The following USH2A variants were observed in gnomAD, a reference collection of about 807,000 sequenced individuals.
USH2A encodes the protein Usher syndrome 2A (autosomal recessive, mild).
In USH2A, 443 loss-of-function variants were observed where a neutral mutation model predicts 538.9. That is an observed-to-expected ratio of 0.82 (90% CI 0.76 to 0.89). USH2A has a LOEUF of 0.89. Ranked by LOEUF, USH2A falls within the 40% of genes least tolerant of loss-of-function variation. The pLI, the probability that USH2A is intolerant of heterozygous loss-of-function variation, is 0.00. For synonymous variants in USH2A, 2,413 were observed against 2,273.5 expected (o/e 1.06, Z -1.75); for missense variants, 6,633 against 6,324.8 (o/e 1.05, Z -1.65).
intron 9 of USH2A, among the ~76,000 whole-genome samples, chr1:216,303,222 G>C (rs2037246884): frequency 1.3e-5 from 2 of 151,904 alleles, no homozygotes; most frequent in Non-Finnish European, 1.5e-5. Flanking sequence ...ACAAGATAAA[G>C]CAATTCTATT....
intron 60 of USH2A, among the ~76,000 whole-genome samples, chr1:215,738,314 C>T (rs1170010575): frequency 6.6e-6 from 1 of 152,118 alleles, no homozygotes; most frequent in East Asian, 1.9e-4. Flanking sequence ...GGTTGCAAAA[C>T]ACTAACTTAA....
Position 215,934,883 on chromosome 1 carries a change from ATACTG to A in USH2A, c.7121-93_7121-89del. On this transcript the variant is annotated intron_variant, in intron 37 of 71. Coordinates refer to ENST00000307340, the MANE Select transcript of USH2A (RefSeq NM_206933.4). ...TGAGTATTTTCTTGAGTTTCTAAAT[ATACTG>A]TACCAAATAGGTCTGTAACTTTACC... 3 of 1,268,726 alleles carry A rather than the reference ATACTG, an allele frequency of 2.4e-6. 1 individual carries two copies. Among genetic ancestry groups the A allele is most frequent in the Non-Finnish European group, 3.3e-6 (3 of 914,018 alleles). 78.6% of individuals were successfully genotyped at this position (1,268,726 alleles called of 1,614,324 possible).
chr1:215,907,848 G>A (rs967661179), intron 38 of USH2A, among the ~76,000 whole-genome samples: 1 of 152,038 alleles, frequency 6.6e-6, no homozygotes, highest in African/African-American at 2.4e-5. Context: ...TGAATCAATG[G>A]TTGGAAAGAT....
At chr1:216,165,331 C>A (rs2034146048) in intron 21 of USH2A, among the ~76,000 whole-genome samples, 1 of 152,040 alleles carries the variant, frequency 6.6e-6, no homozygotes, top group Non-Finnish European at 1.5e-5. Context: ...GATGTGCAAC[C>A]ACCTAGTTTT....
In USH2A at chr1:216,294,558, G is replaced by A. The variant is rs147458329; in HGVS notation, c.1645-2188C>T. On this transcript the variant is annotated intron_variant, in intron 9 of 71. Transcript: ENST00000307340. ...TTTTTTCCATTTTATTTTGGGGATC[G>A]GGAGTGGATATATATCTAAGTATTA... is the stretch of plus-strand genomic sequence containing the variant. Among the ~76,000 whole-genome samples, 67 of 150,966 alleles carry A rather than the reference G, an allele frequency of 4.4e-4. 1 individual carries two copies. In the East Asian group the frequency reaches 8.7e-3, roughly 20 times the overall value.
At chr1:216,008,895 T>C (rs1668474218) in intron 32 of USH2A, among the ~76,000 whole-genome samples, 1 of 152,142 alleles carries the variant, frequency 6.6e-6, no homozygotes, top group African/African-American at 2.4e-5. Flanking sequence ...AGCCTTCCCT[T>C]GGTGTTTAAT....
intron 11 of USH2A, among the ~76,000 whole-genome samples, chr1:216,266,938 TTA>T (rs936635410): frequency 4.0e-5 from 6 of 151,276 alleles, no homozygotes; most frequent in Non-Finnish European, 7.4e-5. Flanking sequence ...AAATAATATT[TTA>T]TATATATATA....
intron 9 of USH2A, among the ~76,000 whole-genome samples, chr1:216,295,256 G>C (rs2037082002): frequency 6.6e-6 from 1 of 151,658 alleles, no homozygotes; most frequent in Non-Finnish European, 1.5e-5. Context: ...TGATTTAATT[G>C]TTTGACCTAT....
intron 34 of USH2A, among the ~76,000 whole-genome samples, chr1:215,993,412 G>A (rs1668051985): frequency 6.6e-6 from 1 of 152,032 alleles, no homozygotes; most frequent in African/African-American, 2.4e-5. Context: ...AATTAAGGAA[G>A]CATCTTAAGT....
chr1:216,207,392 C>G lies in USH2A; in HGVS notation c.3197G>C (p.Ser1066Thr). ...CCAGGAGAGATTGATAGCAGAAGAACTTTGAACTTGTCCTCTGGGCGGAGG... is the reference window on the plus strand; with the variant it reads ...CCAGGAGAGATTGATAGCAGAAGAAGTTTGAACTTGTCCTCTGGGCGGAGG... ...QQPPPRGQVQ[S>T]SSAINLSWSP... Residue 1066 changes from serine to threonine, a missense_variant, in exon 16 of 72, where the codon AGT becomes ACT. By Grantham distance (58) the Ser-to-Thr change is moderately conservative (BLOSUM62 1). Coordinates refer to ENST00000307340, the MANE Select transcript of USH2A (RefSeq NM_206933.4). The G allele has an allele frequency of 6.2e-7, 1 of 1,613,980 alleles. No homozygotes were observed. The highest frequency in any genetic ancestry group is 8.5e-7 in the Non-Finnish European group (1 of 1,179,940).
At chr1:216,258,896 A>C (rs1174784948) in intron 11 of USH2A, among the ~76,000 whole-genome samples, 1 of 152,170 alleles carries the variant, frequency 6.6e-6, no homozygotes, top group Non-Finnish European at 1.5e-5. Context: ...CAACATTCAG[A>C]GAGAATTTTC....
intron 44 of USH2A, among the ~76,000 whole-genome samples, chr1:215,863,811 A>G (rs2102437501): frequency 6.6e-6 from 1 of 152,218 alleles, no homozygotes; most frequent in Non-Finnish European, 1.5e-5. Context: ...GTCTCTACAA[A>G]AACATTTTAA....
At chr1:216,245,470 TGAGAGA>T (rs10535828) in intron 13 of USH2A, among the ~76,000 whole-genome samples, 6,428 of 114,158 alleles carry the variant, frequency 0.056, 199 homozygotes, top group Admixed American at 0.082. Flanking sequence ...AGTCCCCTTC[TGAGAGA>T]GAGAGAGAGA....
intron 22 of USH2A, among the ~76,000 whole-genome samples, chr1:216,090,275 G>A (rs2032265298): frequency 6.6e-6 from 1 of 151,608 alleles, no homozygotes; most frequent in Non-Finnish European, 1.5e-5. Flanking sequence ...AACATACAAT[G>A]TTAATCATAC....
At chr1:215,694,746 A>G (rs1311407416) in intron 61 of USH2A, among the ~76,000 whole-genome samples, 2 of 152,204 alleles carry the variant, frequency 1.3e-5, no homozygotes, top group Non-Finnish European at 2.9e-5. Context: ...CCACTTCCTA[A>G]TAACATCACA....
chr1:216,291,080 T>C (rs988168564), intron 10 of USH2A, among the ~76,000 whole-genome samples: 1 of 152,180 alleles, frequency 6.6e-6, no homozygotes, highest in Admixed American at 6.5e-5. Flanking sequence ...ACCAGGTGTA[T>C]CTTTTAATAA....
intron 61 of USH2A, among the ~76,000 whole-genome samples, chr1:215,723,214 C>T (rs576704579): frequency 2.0e-5 from 3 of 152,230 alleles, no homozygotes; most frequent in African/African-American, 7.2e-5. Flanking sequence ...GGAGGTGAAA[C>T]TTTTCATGAG....
At chr1:215,803,466 A>ACCC (rs1236877358) in intron 49 of USH2A, among the ~76,000 whole-genome samples, 1 of 152,194 alleles carries the variant, frequency 6.6e-6, no homozygotes, top group Non-Finnish European at 1.5e-5. Flanking sequence ...TGCAAAAATC[A>ACCC]CAAGCATTCT....
intron 11 of USH2A, among the ~76,000 whole-genome samples, chr1:216,263,214 C>T (rs530840741): frequency 6.6e-6 from 1 of 152,088 alleles, no homozygotes; most frequent in African/African-American, 2.4e-5. Context: ...AGAACTAATA[C>T]CATTTTTTCT....
Sources: allele counts gnomAD v4.1 joint callset (sites outside exome capture counted in the v4.1 genomes callset), GRCh38; gene constraint gnomAD v4.1.1; transcripts MANE v1.5; gene names NCBI Gene and HGNC (gene_info 2026-07-23, HGNC 2026-07-21).